RNF6: variants seen among roughly 807,000 people sequenced by gnomAD.
RNF6 encodes the protein ring finger protein 6, also known as E3 ubiquitin-protein ligase RNF6.
Under a neutral mutation model 50.1 loss-of-function variants are expected in RNF6, and 21 were observed. The observed-to-expected ratio is 0.42, with a 90% CI of 0.30 to 0.60. The LOEUF is 0.60. Among genes scored for constraint, RNF6 ranks in the 20% least tolerant of loss-of-function variants. The pLI is 0.20. For missense variants in RNF6, 698 were observed against 838.2 expected, an observed-to-expected ratio of 0.83 and a Z score of 2.07; for synonymous variants, 255 against 291.8, an observed-to-expected ratio of 0.87 and a Z score of 1.29.
chr13:26,180,834 T>C (rs4770942), intron 5 of RNF6, among the ~76,000 whole-genome samples: 57,152 of 152,164 alleles, frequency 0.38, 11,848 homozygotes, highest in East Asian at 0.7. Context: ...CTGCCACTGC[T>C]GTGCCAATAT....
upstream of RNF6, among the ~76,000 whole-genome samples, chr13:26,222,848 C>T (rs1321135685): frequency 2.6e-5 from 4 of 152,132 alleles, no homozygotes; most frequent in African/African-American, 9.7e-5. Context: ...GTTTCGTACT[C>T]GGCCTCAAGC....
intron 5 of RNF6, among the ~76,000 whole-genome samples, chr13:26,164,719 C>A: frequency 6.6e-6 from 1 of 152,092 alleles, no homozygotes; most frequent in East Asian, 1.9e-4. Context: ...TTATTTGTTT[C>A]ATTCCTTTTA....
At chr13:26,132,653 C>A (rs1414688135) in intron 5 of RNF6, among the ~76,000 whole-genome samples, 1 of 152,084 alleles carries the variant, frequency 6.6e-6, no homozygotes, top group Non-Finnish European at 1.5e-5. Context: ...TTGCAAATAA[C>A]TTTAATAAAA....
intron 5 of RNF6, among the ~76,000 whole-genome samples, chr13:26,170,018 G>A (rs172518): frequency 0.99 from 150,233 of 152,318 alleles, 74,122 homozygotes; most frequent in Middle Eastern, 1. Context: ...TTCTTTTTTT[G>A]CAAAAAGATT....
intron 5 of RNF6, among the ~76,000 whole-genome samples, chr13:26,173,626 A>C (rs1872807518): frequency 6.6e-6 from 1 of 152,176 alleles, no homozygotes; most frequent in African/African-American, 2.4e-5. Context: ...TTGGGGGCAG[A>C]AGGAAGGAGC....
intron 5 of RNF6, among the ~76,000 whole-genome samples, chr13:26,145,389 G>A (rs1453108846): frequency 3.6e-5 from 5 of 137,698 alleles, no homozygotes; most frequent in African/African-American, 8.3e-5. Flanking sequence ...CAAATCTCAT[G>A]TTGAATTGCA....
At chr13:26,176,464 G>A (rs1011001661) in intron 5 of RNF6, among the ~76,000 whole-genome samples, 8 of 152,232 alleles carry the variant, frequency 5.3e-5, no homozygotes, top group South Asian at 2.1e-4. Flanking sequence ...TCCCAGTCTC[G>A]TCTTTAAAGA....
intron 5 of RNF6, among the ~76,000 whole-genome samples, chr13:26,204,326 T>A (rs1199784759): frequency 6.6e-6 from 1 of 151,616 alleles, no homozygotes; most frequent in East Asian, 1.9e-4. Context: ...TGAAACCCCA[T>A]CTTTACTAAA....
intron 5 of RNF6, among the ~76,000 whole-genome samples, chr13:26,188,623 C>CGTTTTTTTTT (rs1873665545): frequency 2.3e-5 from 1 of 43,258 alleles, no homozygotes; most frequent in African/African-American, 1.1e-4. Flanking sequence ...GTCAAAAGAG[C>CGTTTTTTTTT]TTTTTTTTTT....
intron 5 of RNF6, among the ~76,000 whole-genome samples, chr13:26,165,259 T>C (rs541577408): frequency 6.6e-6 from 1 of 152,282 alleles, no homozygotes; most frequent in African/African-American, 2.4e-5. Context: ...TGCACCGAAG[T>C]CAAGAATTGA....
intron 5 of RNF6, among the ~76,000 whole-genome samples, chr13:26,174,620 C>T (rs949555446): frequency 5.9e-5 from 9 of 151,970 alleles, no homozygotes; most frequent in African/African-American, 1.9e-4. Flanking sequence ...AGAAAACAAA[C>T]CCCAAAATAT....
intron 5 of RNF6, among the ~76,000 whole-genome samples, chr13:26,170,680 T>C (rs1872659542): frequency 6.6e-6 from 1 of 152,188 alleles, no homozygotes; most frequent in Non-Finnish European, 1.5e-5. Flanking sequence ...CCTAAGCTAA[T>C]ATCCTAGCTC....
chr13:26,211,694 G>A (rs11839581), downstream of RNF6, among the ~76,000 whole-genome samples: 61,787 of 151,642 alleles, frequency 0.41, 14,183 homozygotes, highest in Middle Eastern at 0.52. Context: ...TGAGGCGGAG[G>A]TTGCAGCGAG....
At chr13:26,193,866 C>A (rs1868556763) in intron 5 of RNF6, among the ~76,000 whole-genome samples, 2 of 152,174 alleles carry the variant, frequency 1.3e-5, no homozygotes, top group South Asian at 4.2e-4. Context: ...CATGCATGGG[C>A]AGAGAAGAAG....
chr13:26,213,367 A>T lies in RNF6; in HGVS notation c.*457T>A, dbSNP rs897762582. 2 of 153,222 alleles carry T rather than the reference A, an allele frequency of 1.3e-5. No individual in the cohort carries two copies. Among genetic ancestry groups the T allele is most frequent in the African/African-American group, 4.8e-5 (2 of 41,452 alleles). The allele number at this position is 153,222 out of a possible 1,614,324, so 9.5% of individuals were successfully genotyped here. On this transcript the variant is annotated 3_prime_UTR_variant, in exon 5 of 5. Coordinates refer to ENST00000381588, the MANE Select transcript of RNF6 (RefSeq NM_005977.4). Reference sequence around the variant, plus strand: ...AGTAACATATATATAGCAAACATTCAGCCAAATACTCTTTCATGAAAAGAT... The same window carrying T: ...AGTAACATATATATAGCAAACATTCTGCCAAATACTCTTTCATGAAAAGAT...
chr13:26,213,893 G>C lies in RNF6; in HGVS notation c.1989C>G (p.Leu663=). Reference sequence around the variant, plus strand: ...AGATCGGACAAGTGCAATTCTCTGAGAGCCATCGGTCAATACAATGAATGT... The same window carrying C: ...AGATCGGACAAGTGCAATTCTCTGACAGCCATCGGTCAATACAATGAATGT... ...EFHIHCIDRW[L]SENCTCPICR... is the part of the protein sequence containing the mutation. Residue 663 remains leucine, a synonymous_variant, in exon 5 of 5, where the codon CTC becomes CTG. Transcript: ENST00000381588. 1.2e-6 allele frequency: 2 copies of C among 1,614,136 alleles called. No homozygotes were observed. Among genetic ancestry groups the C allele is most frequent in the Admixed American group, 1.7e-5 (1 of 60,012 alleles).
At chr13:26,139,732 T>A (rs1206900252) in intron 5 of RNF6, among the ~76,000 whole-genome samples, 1 of 152,250 alleles carries the variant, frequency 6.6e-6, no homozygotes, top group East Asian at 1.9e-4. Flanking sequence ...TTAATAAAGT[T>A]TTATTATATT....
rs761529906 is a variant in RNF6 at position 26,133,575 on chromosome 13, ATTCT to A, written n.769-1128_769-1125del. ...TATTGTTTTGTCTTTCAGTCCACTG[ATTCT>A]TTCTTCTGTCCCTTCCTGTTTGCTG... On this transcript the variant is annotated intron_variant and non_coding_transcript_variant, in intron 5 of 5. Coordinates refer to the RNF6 transcript ENST00000468480. Among the ~76,000 whole-genome samples, 80 of 152,178 alleles carry A rather than the reference ATTCT, an allele frequency of 5.3e-4. No homozygotes were observed. The Middle Eastern group carries it at 0.014, about 26-fold the overall frequency.
chr13:26,142,081 C>T (rs1306370469), intron 5 of RNF6, among the ~76,000 whole-genome samples: 1 of 152,148 alleles, frequency 6.6e-6, no homozygotes, highest in Non-Finnish European at 1.5e-5. Context: ...CATGAACAGA[C>T]ACTTCTCAAA....
Sources: allele counts gnomAD v4.1 joint callset (sites outside exome capture counted in the v4.1 genomes callset), GRCh38; gene constraint gnomAD v4.1.1; transcripts MANE v1.5; gene names NCBI Gene and HGNC (gene_info 2026-07-23, HGNC 2026-07-21).